The following UNC5B variants were observed in gnomAD, a reference collection of about 807,000 sequenced individuals.
UNC5B encodes unc-5 netrin receptor B.
In UNC5B, 56 loss-of-function variants were observed where a neutral mutation model predicts 103.7. That is an observed-to-expected ratio of 0.54 (90% CI 0.44 to 0.67). The LOEUF is 0.67. UNC5B is among the 30% of genes least tolerant of loss of function. UNC5B has a pLI of 0.00. For synonymous variants in UNC5B, 577 were observed against 542.0 expected (o/e 1.06, Z -0.90); for missense variants, 1,194 against 1,284.5 (o/e 0.93, Z 1.08).
At chr10:71,286,550 A>G (rs1429008240) in intron 4 of UNC5B, 139 bp from the exon 5 acceptor site, 78 of 1,098,062 alleles carry the variant, frequency 7.1e-5, no homozygotes, top group Non-Finnish European at 8.0e-6. Flanking sequence ...AGAGCTGTAC[A>G]GTGTCCAGTG....
intron 1 of UNC5B, among the ~76,000 whole-genome samples, chr10:71,244,463 C>T (rs1360365469): frequency 2.0e-5 from 3 of 152,226 alleles, no homozygotes; most frequent in Non-Finnish European, 4.4e-5. Context: ...GGGTGAATGG[C>T]CTCTAGTGTT....
intron 2 of UNC5B, among the ~76,000 whole-genome samples, chr10:71,280,254 C>T (rs886199139): frequency 6.6e-6 from 1 of 152,214 alleles, no homozygotes; most frequent in Non-Finnish European, 1.5e-5. Context: ...CCCTTTTCCA[C>T]TTTCCATCTT....
chr10:71,214,926 G>T (rs892225766), intron 1 of UNC5B, among the ~76,000 whole-genome samples: 2 of 152,188 alleles, frequency 1.3e-5, no homozygotes, highest in African/African-American at 4.8e-5. Context: ...TTTCTCACCA[G>T]CGAGCAGAAG....
intron 1 of UNC5B, chr10:71,217,892 G>C (rs1276724256): frequency 6.6e-6 from 1 of 152,038 alleles, no homozygotes; most frequent in African/African-American, 2.4e-5. Flanking sequence ...ATCGGTCTGC[G>C]GAGCCCCGGG....
At chr10:71,248,939 C>G (rs1446867464) in intron 1 of UNC5B, among the ~76,000 whole-genome samples, 1 of 151,986 alleles carries the variant, frequency 6.6e-6, no homozygotes, top group East Asian at 1.9e-4. Flanking sequence ...CCAGCCATCT[C>G]CACTCCCACC....
chr10:71,242,298 A>C (rs911438146), intron 1 of UNC5B, among the ~76,000 whole-genome samples: 6 of 152,272 alleles, frequency 3.9e-5, no homozygotes, highest in Non-Finnish European at 8.8e-5. Context: ...GAGGAAGCTG[A>C]GGCCCACAGT....
rs1564516252 is a variant in UNC5B at position 71,296,851 on chromosome 10, AGGGTG to A, written c.2490+113_2490+117del. ...ACACCACGCTGGCGGAGGTGAGGGA[AGGGTG>A]GGGCAGATATTCCAGCTGCACACCA... On this transcript the variant is annotated intron_variant, in intron 15 of 16. Transcript: ENST00000335350. The A allele has an allele frequency of 4.5e-3, 2,447 of 546,050 alleles. 77 individuals are homozygous for A. The highest frequency in any genetic ancestry group is 4.8e-3 in the Non-Finnish European group (1,455 of 305,478). 33.8% of individuals were successfully genotyped at this position (546,050 alleles called of 1,614,324 possible).
intron 4 of UNC5B, among the ~76,000 whole-genome samples, chr10:71,286,037 C>G (rs566815493): frequency 6.6e-6 from 1 of 152,228 alleles, no homozygotes; most frequent in Non-Finnish European, 1.5e-5. Flanking sequence ...TCTCCCAGCC[C>G]AAACCCTCCT....
chr10:71,260,727 C>T (rs1359103257), intron 1 of UNC5B, among the ~76,000 whole-genome samples: 1 of 152,234 alleles, frequency 6.6e-6, no homozygotes, highest in East Asian at 1.9e-4. Flanking sequence ...CTCCTAAGAG[C>T]TGGGGGACGC....
intron 1 of UNC5B, among the ~76,000 whole-genome samples, chr10:71,238,864 C>T (rs916111983): frequency 2.6e-5 from 4 of 152,308 alleles, no homozygotes; most frequent in East Asian, 1.9e-4. Context: ...ACTGCAGCCT[C>T]GACCTCCTGG....
At chr10:71,242,557 G>A (rs1216308888) in intron 1 of UNC5B, among the ~76,000 whole-genome samples, 1 of 152,194 alleles carries the variant, frequency 6.6e-6, no homozygotes, top group African/African-American at 2.4e-5. Flanking sequence ...TGGTCACCAA[G>A]ATTCCAGGGG....
At chr10:71,279,433 A>G (rs1385179777) in intron 1 of UNC5B, among the ~76,000 whole-genome samples, 1 of 152,146 alleles carries the variant, frequency 6.6e-6, no homozygotes, top group Non-Finnish European at 1.5e-5. Flanking sequence ...TGGCGTCACC[A>G]TGAGGAACTG....
chr10:71,277,218 G>A (rs560070047), intron 1 of UNC5B, among the ~76,000 whole-genome samples: 87 of 152,254 alleles, frequency 5.7e-4, no homozygotes, highest in Non-Finnish European at 1.1e-3. Flanking sequence ...GGGGTGGTGC[G>A]GTTAGAAGAT....
At chr10:71,255,344 T>C (rs1844266433) in intron 1 of UNC5B, among the ~76,000 whole-genome samples, 1 of 152,200 alleles carries the variant, frequency 6.6e-6, no homozygotes, top group Admixed American at 6.5e-5. Context: ...CTTTGTGGAT[T>C]TGATGCAAGT....
chr10:71,215,271 T>A (rs1448699120), intron 1 of UNC5B, among the ~76,000 whole-genome samples: 1 of 152,190 alleles, frequency 6.6e-6, no homozygotes, highest in Non-Finnish European at 1.5e-5. Context: ...ATTGAAGACA[T>A]GTGAAGGGCT....
chr10:71,224,229 A>G (rs1843510692), intron 1 of UNC5B, among the ~76,000 whole-genome samples: 1 of 149,820 alleles, frequency 6.7e-6, no homozygotes, highest in Admixed American at 6.6e-5. Flanking sequence ...CTGTATGTAG[A>G]CACAGACACA....
At chr10:71,293,275 A>T (rs1845313197) in intron 11 of UNC5B, 130 bp from the exon 12 acceptor site, 1 of 1,033,254 alleles carries the variant, frequency 9.7e-7, no homozygotes. Context: ...ACCTCTGGGA[A>T]TGCAGAGCCC....
intron 1 of UNC5B, among the ~76,000 whole-genome samples, chr10:71,271,277 G>T (rs1001104388): frequency 6.6e-6 from 1 of 152,210 alleles, no homozygotes; most frequent in African/African-American, 2.4e-5. Context: ...GAACAGCTTC[G>T]CAGGGTCATT....
intron 9 of UNC5B, 108 bp downstream of exon 9, chr10:71,291,217 CAGAGTTTGCTCT>C: frequency 7.0e-7 from 1 of 1,431,218 alleles, no homozygotes; most frequent in Non-Finnish European, 9.5e-7. Flanking sequence ...AGGGTTTTTC[CAGAGTTTGCTCT>C]AGAGATAACT....
Sources: gnomAD v4.1 joint callset for allele counts (sites outside exome capture counted in the v4.1 genomes callset) on GRCh38, gnomAD v4.1.1 for gene constraint, MANE v1.5 for transcripts, NCBI Gene and HGNC (gene_info 2026-07-23, HGNC 2026-07-21) for gene names.